Variants in SPEF2 observed in about 807,000 individuals in gnomAD.
The protein encoded by SPEF2 is sperm flagellar and cilia associated 2.
SPEF2 carries 187 observed loss-of-function variants against 224.6 expected under a neutral mutation model. The ratio of observed to expected loss-of-function variants is 0.83; its 90% CI spans 0.74 to 0.94. The LOEUF (loss-of-function observed/expected upper bound fraction) is 0.94. Ranked by LOEUF, SPEF2 falls within the 40% of genes least tolerant of loss-of-function variation. The pLI, the probability that SPEF2 is intolerant of heterozygous loss-of-function variation, is 0.00. For missense variants in SPEF2, 2,170 were observed against 2,135.6 expected (o/e 1.02, Z -0.32); for synonymous variants, 715 against 707.3 (o/e 1.01, Z -0.17).
chr5:35,629,030 A>G (rs919312065), intron 2 of SPEF2, among the ~76,000 whole-genome samples: 1 of 152,084 alleles, frequency 6.6e-6, no homozygotes, highest in African/African-American at 2.4e-5. Context: ...TTTCTTGCAC[A>G]TACATTTTTT....
At chr5:35,756,448 T>C (rs1296578195) in intron 24 of SPEF2, among the ~76,000 whole-genome samples, 1 of 152,162 alleles carries the variant, frequency 6.6e-6, no homozygotes, top group African/African-American at 2.4e-5. Context: ...AACAGGATCC[T>C]ATAAAAACCA....
chr5:35,746,337 A>G (rs1748518798), intron 23 of SPEF2, among the ~76,000 whole-genome samples: 3 of 152,224 alleles, frequency 2.0e-5, no homozygotes, highest in Admixed American at 1.3e-4. Flanking sequence ...ATTTATCTGA[A>G]AAAGAATTCA....
chr5:35,767,752 T>C (rs1752278105), intron 26 of SPEF2, among the ~76,000 whole-genome samples: 2 of 152,078 alleles, frequency 1.3e-5, no homozygotes, highest in South Asian at 4.1e-4. Context: ...AAAATAAGTA[T>C]TAGATTTTTT....
chr5:35,789,777 C>T (rs1182602139), intron 30 of SPEF2: 4 of 701,594 alleles, frequency 5.7e-6, no homozygotes, highest in East Asian at 5.4e-5. Flanking sequence ...ATATATGTGA[C>T]TATTTTTGGC....
chr5:35,676,653 C>T lies in SPEF2; in HGVS notation c.1524+6426C>T, dbSNP rs1001042022. On this transcript the variant is annotated intron_variant, in intron 10 of 36. Coordinates refer to ENST00000356031, the MANE Select transcript of SPEF2 (RefSeq NM_024867.4). Reference sequence around the variant, plus strand: ...CTAAGGCACAAGAATCCCTTGAACCCGGGAGTCAGAGGTTTCAGTGAGCCA... The same window carrying T: ...CTAAGGCACAAGAATCCCTTGAACCTGGGAGTCAGAGGTTTCAGTGAGCCA... 3.9e-5 allele frequency among the ~76,000 whole-genome samples: 6 copies of T among 152,036 alleles called. No homozygotes were observed. In the East Asian group the frequency reaches 7.8e-4, roughly 20 times the overall value.
intron 2 of SPEF2, among the ~76,000 whole-genome samples, chr5:35,640,640 C>T (rs286446): frequency 0.61 from 92,236 of 151,990 alleles, 28,702 homozygotes; most frequent in East Asian, 0.74. Flanking sequence ...TATCTCTTCT[C>T]GTCTCCTCCA....
At chr5:35,691,510 A>G (rs1754479212) in intron 11 of SPEF2, among the ~76,000 whole-genome samples, 1 of 152,226 alleles carries the variant, frequency 6.6e-6, no homozygotes, top group Admixed American at 6.5e-5. Flanking sequence ...ACAAAAGGTC[A>G]CATAGTGTAT....
At chr5:35,747,077 C>T (rs1269371383) in intron 23 of SPEF2, among the ~76,000 whole-genome samples, 3 of 152,096 alleles carry the variant, frequency 2.0e-5, no homozygotes, top group African/African-American at 7.2e-5. Context: ...AACTAAGCAT[C>T]GTATATGAAG....
intron 30 of SPEF2, chr5:35,789,402 T>A (rs1236578117): frequency 1.4e-6 from 1 of 701,350 alleles, no homozygotes. Context: ...ATCTGAGGTC[T>A]GTCAAACTAG....
intron 6 of SPEF2, among the ~76,000 whole-genome samples, chr5:35,652,246 G>A (rs1748296815): frequency 6.6e-6 from 1 of 152,018 alleles, no homozygotes; most frequent in African/African-American, 2.4e-5. Flanking sequence ...AGATGGATGG[G>A]TTGACTAATT....
intron 2 of SPEF2, among the ~76,000 whole-genome samples, chr5:35,630,806 T>C (rs1047078886): frequency 6.6e-6 from 1 of 152,250 alleles, no homozygotes. Context: ...ACCAGTCTTT[T>C]TGCTAAAGCA....
chr5:35,680,995 G>T (rs936361170), intron 10 of SPEF2, among the ~76,000 whole-genome samples: 11 of 152,128 alleles, frequency 7.2e-5, no homozygotes, highest in African/African-American at 2.7e-4. Context: ...TGCTATAAAT[G>T]GGCAATCGGC....
intron 20 of SPEF2, among the ~76,000 whole-genome samples, chr5:35,726,620 C>T (rs1022771623): frequency 1.5e-4 from 23 of 152,156 alleles, no homozygotes; most frequent in African/African-American, 3.6e-4. Flanking sequence ...AACATAAAAG[C>T]GGAAGATGTA....
chr5:35,655,849 G>C (rs897674365), intron 7 of SPEF2, among the ~76,000 whole-genome samples: 1 of 152,250 alleles, frequency 6.6e-6, no homozygotes, highest in Admixed American at 6.5e-5. Context: ...AGCAGAATAA[G>C]AGTGACCAGG....
rs1316456634 is a variant in SPEF2 at position 35,649,435 on chromosome 5, G to T, written c.791+10G>T. Reference sequence around the variant, plus strand: ...TCCAAGCAAAAGAAAGGTGAGATGTGAGCTATTTTAAGAATTACAAAACCG... The same window carrying T: ...TCCAAGCAAAAGAAAGGTGAGATGTTAGCTATTTTAAGAATTACAAAACCG... On this transcript the variant is annotated intron_variant, in intron 6 of 36. Coordinates refer to ENST00000356031, the MANE Select transcript of SPEF2 (RefSeq NM_024867.4). 1.2e-6 allele frequency: 2 copies of T among 1,604,418 alleles called. No individual in the cohort carries two copies. The highest frequency in any genetic ancestry group is 2.2e-5 in the South Asian group (2 of 89,034).
Position 35,759,640 on chromosome 5 carries a change from C to T in SPEF2, c.3541C>T (p.Pro1181Ser), listed in dbSNP as rs1750941117. ...TTACTGGGGAATGGAAAGTAAAATC[C>T]CAGTAGAGGACAACAAGAGATTTAC... Reference protein sequence around the residue: ...DYYWGMESKIPVEDNKRFTRI... With the variant: ...DYYWGMESKISVEDNKRFTRI... Residue 1181 changes from proline (P) to serine (S), a missense_variant, in exon 25 of 37, where the codon CCA becomes TCA. Pro to Ser is a moderately conservative substitution (Grantham distance 74). Transcript: ENST00000356031. 3.7e-6 allele frequency: 6 copies of T among 1,611,580 alleles called. No individual in the cohort carries two copies. Among genetic ancestry groups the T allele is most frequent in the Non-Finnish European group, 4.2e-6 (5 of 1,178,384 alleles).
At chr5:35,696,501 C>T (rs576277519) in intron 14 of SPEF2, among the ~76,000 whole-genome samples, 1 of 152,226 alleles carries the variant, frequency 6.6e-6, no homozygotes, top group African/African-American at 2.4e-5. Flanking sequence ...TATGAATTAG[C>T]AGAAAGTATG....
chr5:35,628,838 T>C (rs1218985808), intron 2 of SPEF2, among the ~76,000 whole-genome samples: 2 of 152,090 alleles, frequency 1.3e-5, no homozygotes, highest in African/African-American at 2.4e-5. Flanking sequence ...GAGATCCTCC[T>C]GCCTCAGCCT....
At position 35,644,434 on chromosome 5, in the gene SPEF2, A is replaced by G; in HGVS notation, c.494A>G (p.His165Arg). ...ITYRFQEKYK[H>R]VKEDLAHLHF... is the part of the protein sequence containing the mutation. ...TACAGGTTTCAAGAAAAATATAAAC[A>G]CGTGAAAGAAGATCTTGCCCATTTG... The change falls in exon 4 of 37, where the codon CAC becomes CGC. Residue 165 changes from histidine (H) to arginine (R), a missense_variant. His to Arg is a conservative substitution (Grantham distance 29). Transcript: ENST00000356031. 6.2e-7 allele frequency: 1 copy of G among 1,611,812 alleles called. No homozygotes were observed. The highest frequency in any genetic ancestry group is 8.5e-7 in the Non-Finnish European group (1 of 1,179,028).
Sources: gnomAD v4.1 joint callset for allele counts (sites outside exome capture counted in the v4.1 genomes callset) on GRCh38, gnomAD v4.1.1 for gene constraint, MANE v1.5 for transcripts, NCBI Gene and HGNC (gene_info 2026-07-23, HGNC 2026-07-21) for gene names.